Variants in USP7 observed in about 807,000 individuals in gnomAD.
The protein encoded by USP7 is ubiquitin C-terminal hydrolase 7.
In USP7, 9 loss-of-function variants were observed where a neutral mutation model predicts 162.9. That is an observed-to-expected ratio of 0.06 (90% CI 0.03 to 0.10). USP7 has a LOEUF of 0.10. Ranked by LOEUF, USP7 falls within the 10% of genes least tolerant of loss-of-function variation. The pLI, the probability that USP7 is intolerant of heterozygous loss-of-function variation, is 1.00. For synonymous variants in USP7, 562 were observed against 475.9 expected, an observed-to-expected ratio of 1.18 and a Z score of -2.35; for missense variants, 715 against 1,373.7, an observed-to-expected ratio of 0.52 and a Z score of 7.58.
chr16:8,901,722 G>A (rs566761134), intron 18 of USP7, among the ~76,000 whole-genome samples: 17 of 152,272 alleles, frequency 1.1e-4, no homozygotes, highest in South Asian at 4.1e-4. Context: ...CTTTGTGGCC[G>A]CCTTAGTACA....
At chr16:8,903,209 C>T (rs1197739703) in intron 16 of USP7, 59 bp downstream of exon 16, 11 of 1,574,908 alleles carry the variant, frequency 7.0e-6, no homozygotes, top group Admixed American at 3.5e-5. Flanking sequence ...TCTAGTGACA[C>T]GGAAGGAAGG....
chr16:8,942,830 G>C (rs1206662316), intron 1 of USP7, among the ~76,000 whole-genome samples: 2 of 152,190 alleles, frequency 1.3e-5, no homozygotes, highest in South Asian at 2.1e-4. Flanking sequence ...TTACAGACAT[G>C]AGCCACCACA....
At chr16:8,900,726 C>T in intron 20 of USP7, 96 bp from the exon 21 acceptor site, 1 of 838,360 alleles carries the variant, frequency 1.2e-6, no homozygotes, top group Non-Finnish European at 1.8e-6. Flanking sequence ...TTCTCTACAC[C>T]CAATTCTATC....
intron 10 of USP7, among the ~76,000 whole-genome samples, chr16:8,913,304 C>T (rs375725766): frequency 1.1e-4 from 16 of 152,046 alleles, no homozygotes; most frequent in African/African-American, 3.9e-4. Context: ...TGCAGTGAGC[C>T]GAGATCGCAC....
At chr16:8,930,530 C>A in intron 1 of USP7, 133 bp from the exon 2 acceptor site, 2 of 614,978 alleles carry the variant, frequency 3.3e-6, no homozygotes, top group Non-Finnish European at 5.3e-6. Flanking sequence ...AAGATTCATT[C>A]TAATCCAAAA....
intron 5 of USP7, among the ~76,000 whole-genome samples, chr16:8,920,098 G>A (rs1567224594): frequency 1.3e-5 from 2 of 152,160 alleles, no homozygotes; most frequent in Non-Finnish European, 2.9e-5. Context: ...AAAGCTGAGT[G>A]TACATTCTTT....
At chr16:8,922,435 C>T (rs2141213815) in intron 3 of USP7, among the ~76,000 whole-genome samples, 1 of 152,310 alleles carries the variant, frequency 6.6e-6, no homozygotes, top group Middle Eastern at 3.4e-3. Context: ...TTGTGGTGAG[C>T]CAAGATCAGG....
intron 7 of USP7, 88 bp from the exon 8 acceptor site, chr16:8,916,644 G>T: frequency 7.9e-7 from 1 of 1,259,768 alleles, no homozygotes; most frequent in Non-Finnish European, 1.1e-6. Flanking sequence ...ACCTAAACTG[G>T]ATAATCAGCT....
intron 1 of USP7, among the ~76,000 whole-genome samples, chr16:8,959,587 T>A (rs1327619197): frequency 1.3e-5 from 2 of 152,194 alleles, no homozygotes; most frequent in African/African-American, 4.8e-5. Flanking sequence ...TCTTGTAACT[T>A]TGCAAAGAAT....
Position 8,894,818 on chromosome 16 carries a change from C to A in USP7, c.3077G>T (p.Ser1026Ile), listed in dbSNP as rs142143501. Residue 1026 changes from serine (S) to isoleucine (I), a missense_variant, in exon 29 of 31, where the codon AGC (serine) becomes ATC (isoleucine). This residue lies in a region of USP7 where 222 missense variants were observed against 441.7 expected (regional missense o/e 0.50). Transcript: ENST00000344836. ...HFREVMKRIQ[S>I]LLDIQEKEFE... Reference sequence around the variant, plus strand: ...CTCCTTCTCCTGGATGTCCAGCAGGCTCTGGATTCGCTTCATCACTTCTCG... The same window carrying A: ...CTCCTTCTCCTGGATGTCCAGCAGGATCTGGATTCGCTTCATCACTTCTCG... The A allele has an allele frequency of 3.1e-6, 5 of 1,614,234 alleles. No individual in the cohort carries two copies. Among genetic ancestry groups the A allele is most frequent in the African/African-American group, 1.3e-5 (1 of 75,056 alleles).
At chr16:8,959,584 A>T (rs966061384) in intron 1 of USP7, among the ~76,000 whole-genome samples, 1 of 152,194 alleles carries the variant, frequency 6.6e-6, no homozygotes, top group East Asian at 1.9e-4. Flanking sequence ...TCATCTTGTA[A>T]CTTTGCAAAG....
chr16:8,928,198 G>A (rs942368021), intron 2 of USP7, among the ~76,000 whole-genome samples: 14 of 152,252 alleles, frequency 9.2e-5, no homozygotes, highest in African/African-American at 3.4e-4. Flanking sequence ...CACAAGAAAT[G>A]TCCCTTACTA....
At chr16:8,935,385 T>C (rs2141240405) in intron 1 of USP7, among the ~76,000 whole-genome samples, 2 of 152,240 alleles carry the variant, frequency 1.3e-5, no homozygotes, top group Admixed American at 1.3e-4. Flanking sequence ...AATTTGTCTG[T>C]ATTTTTGTAG....
chr16:8,906,695 G>C (rs2061866128), intron 12 of USP7, 113 bp from the exon 13 acceptor site: 41 of 1,120,024 alleles, frequency 3.7e-5, no homozygotes, highest in Non-Finnish European at 4.9e-5. Flanking sequence ...GGATAAGCAT[G>C]AATTGCCTTG....
chr16:8,941,436 G>A (rs995596016), intron 1 of USP7, among the ~76,000 whole-genome samples: 2 of 152,172 alleles, frequency 1.3e-5, no homozygotes, highest in Admixed American at 6.5e-5. Flanking sequence ...TTTCCAGACA[G>A]GAAGGACCTG....
At chr16:8,918,909 G>A (rs1897524011) in intron 6 of USP7, 122 bp downstream of exon 6, 3 of 910,144 alleles carry the variant, frequency 3.3e-6, no homozygotes, top group Non-Finnish European at 5.3e-6. Flanking sequence ...TGAACTAGCA[G>A]CCATCTGAGG....
chr16:8,944,894 G>C lies in USP7; in HGVS notation c.80-14497C>G, dbSNP rs1899208760. On this transcript the variant is annotated intron_variant, in intron 1 of 30. Transcript: ENST00000344836. ...CTGAAGTGAGGGGCAGATCGAATGA[G>C]GTCAGGAGTTCGAGATCAGCCTGGC... Among the ~76,000 whole-genome samples the C allele has an allele frequency of 4.3e-5, 6 of 138,328 alleles. No homozygotes were observed. The South Asian group carries it at 1.3e-3, about 30-fold the overall frequency. 90.7% of individuals were successfully genotyped at this position (138,328 alleles called of 152,430 possible). A position where few individuals can be genotyped will look rare whatever the true frequency, so the allele number is the denominator to read the frequency against.
At chr16:8,930,419 T>TC (rs746821104) in intron 1 of USP7, 22 bp from the exon 2 acceptor site, 2 of 1,578,408 alleles carry the variant, frequency 1.3e-6, no homozygotes, top group Middle Eastern at 1.8e-4. Context: ...AAAAAGAAAT[T>TC]CCACGGGTTT....
chr16:8,939,523 C>T (rs1026458089), intron 1 of USP7, among the ~76,000 whole-genome samples: 1 of 152,182 alleles, frequency 6.6e-6, no homozygotes, highest in Non-Finnish European at 1.5e-5. Flanking sequence ...TTTATTTCTA[C>T]TTTTGAGTTC....
Sources: allele counts gnomAD v4.1 joint callset (sites outside exome capture counted in the v4.1 genomes callset), GRCh38; gene constraint gnomAD v4.1.1; regional missense constraint gnomAD v4.1.1; transcripts MANE v1.5; gene names NCBI Gene and HGNC (gene_info 2026-07-23, HGNC 2026-07-21).